PLCH2: variants seen among roughly 807,000 people sequenced by gnomAD.
The protein encoded by PLCH2 is 1-phosphatidylinositol 4,5-bisphosphate phosphodiesterase eta-2.
Under a neutral mutation model 134.7 loss-of-function variants are expected in PLCH2, and 98 were observed. The observed-to-expected ratio is 0.73, with a 90% CI of 0.62 to 0.86. The LOEUF (loss-of-function observed/expected upper bound fraction) is 0.86. PLCH2 is among the 40% of genes least tolerant of loss of function. The pLI is 0.00. For synonymous variants in PLCH2, 974 were observed against 827.5 expected (o/e 1.18, Z -3.04); for missense variants, 1,994 against 1,986.6 (o/e 1.00, Z -0.07).
intron 4 of PLCH2, among the ~76,000 whole-genome samples, chr1:2,483,175 C>T (rs868593846): frequency 1.8e-4 from 28 of 152,294 alleles, no homozygotes; most frequent in Admixed American, 5.9e-4. Context: ...CTGGGGCTTC[C>T]GTGGAGGCCT....
chr1:2,436,709 A>G (rs1235723035), intron 2 of PLCH2, among the ~76,000 whole-genome samples: 1 of 152,188 alleles, frequency 6.6e-6, no homozygotes, highest in Non-Finnish European at 1.5e-5. Context: ...GCTGGCAGGC[A>G]TGGCCTGAGG....
rs1642358803 is a variant in PLCH2 at position 2,487,663 on chromosome 1, A to T, written c.1180A>T (p.Ile394Phe). The change falls in exon 8 of 22, where the codon ATC becomes TTC. Residue 394 changes from isoleucine to phenylalanine, a missense_variant. Ile to Phe is a conservative substitution (Grantham distance 21). Transcript: ENST00000378486. Reference protein sequence around the residue: ...VHHGYTLTSKILFKDVIETIN... With the variant: ...VHHGYTLTSKFLFKDVIETIN... ...CCATGGCTACACTCTGACTTCCAAG[A>T]TCCTCTTCAAAGACGTCATTGAAAC... 1 of 1,613,456 alleles carries T rather than the reference A, an allele frequency of 6.2e-7. No homozygotes were observed. The highest frequency in any genetic ancestry group is 8.5e-7 in the Non-Finnish European group (1 of 1,179,784).
chr1:2,491,482 ACCT>A (rs1642579487), intron 11 of PLCH2, 147 bp downstream of exon 11: 1 of 804,770 alleles, frequency 1.2e-6, no homozygotes, highest in South Asian at 1.7e-5. Context: ...CTCTGTACAC[ACCT>A]CCGCACACAC....
chr1:2,485,766 A>C (rs764301322), intron 5 of PLCH2, among the ~76,000 whole-genome samples: 13 of 151,930 alleles, frequency 8.6e-5, no homozygotes, highest in Non-Finnish European at 1.8e-4. Context: ...CGAGGATGGG[A>C]GTGGCAGGAG....
At chr1:2,433,176 C>T (rs937458663) in intron 2 of PLCH2, among the ~76,000 whole-genome samples, 49 of 152,384 alleles carry the variant, frequency 3.2e-4, no homozygotes, top group African/African-American at 1.2e-3. Context: ...CACTCTTCCC[C>T]TTCCAGATTG....
chr1:2,417,947 C>T, the PLCH2 span, among the ~76,000 whole-genome samples: 23 of 152,332 alleles, frequency 1.5e-4, no homozygotes, highest in Admixed American at 9.8e-4. Context: ...TGTGGGGTGC[C>T]CTCCGGGGCC....
chr1:2,464,998 G>A (rs946278276), upstream of PLCH2, among the ~76,000 whole-genome samples: 5 of 152,200 alleles, frequency 3.3e-5, no homozygotes, highest in Non-Finnish European at 2.9e-5. Flanking sequence ...AAGAGGGCAG[G>A]GGAAGTGGCT....
chr1:2,467,613 G>A (rs1050681964), exon 1 of PLCH2: 7 of 411,470 alleles, frequency 1.7e-5, no homozygotes, highest in Admixed American at 1.3e-4. Flanking sequence ...ATTGGCACCC[G>A]CCGGCCATGG....
At chr1:2,451,025 A>AGCCCTG (rs1159358277) in intron 2 of PLCH2, among the ~76,000 whole-genome samples, 2 of 151,982 alleles carry the variant, frequency 1.3e-5, no homozygotes, top group Non-Finnish European at 2.9e-5. Context: ...CCCAGGACAC[A>AGCCCTG]GCCCTGGCCC....
At chr1:2,499,804 G>A (rs1643117006) in intron 20 of PLCH2, 84 bp downstream of exon 20, 1 of 1,099,248 alleles carries the variant, frequency 9.1e-7, no homozygotes, top group Non-Finnish European at 1.4e-6. Context: ...TGTCCCCAGT[G>A]CTGGGTCCTG....
upstream of PLCH2, among the ~76,000 whole-genome samples, chr1:2,466,222 C>T (rs1374443301): frequency 6.6e-6 from 1 of 152,164 alleles, no homozygotes; most frequent in Admixed American, 6.5e-5. Context: ...GCCGCCCCTC[C>T]CTTCTCGCAG....
chr1:2,484,625 T>C lies in PLCH2; in HGVS notation c.816+7T>C. ...CCTGCAGGTGGAGCAGAAGGTGTGC[T>C]GCCCGGGGCAGGTGTTGGGGGGCCA... On this transcript the variant is annotated splice_region_variant and intron_variant, in intron 5 of 21. Coordinates refer to ENST00000378486, the MANE Select transcript of PLCH2 (RefSeq NM_014638.4). The C allele has an allele frequency of 6.2e-7, 1 of 1,609,748 alleles. No individual in the cohort carries two copies. The highest frequency in any genetic ancestry group is 1.3e-5 in the African/African-American group (1 of 75,048).
chr1:2,459,283 G>A (rs569694800), intron 2 of PLCH2, among the ~76,000 whole-genome samples: 28 of 152,266 alleles, frequency 1.8e-4, no homozygotes, highest in Admixed American at 1.6e-3. Context: ...CAGCCTTGCC[G>A]GTGGTCTTCC....
At chr1:2,470,253 G>T (rs184393092) in intron 1 of PLCH2, among the ~76,000 whole-genome samples, 1 of 152,198 alleles carries the variant, frequency 6.6e-6, no homozygotes, top group Non-Finnish European at 1.5e-5. Flanking sequence ...CTCAGGGGCA[G>T]CCCTGTGCCC....
chr1:2,502,342 G>T lies in PLCH2; in HGVS notation c.2892G>T (p.Val964=). ...CCAAGGGGGTGGCAGACGATGTGGTGCCCCCCGGGCCCGGACCTGCTCCGG... is the reference window on the plus strand; with the variant it reads ...CCAAGGGGGTGGCAGACGATGTGGTTCCCCCCGGGCCCGGACCTGCTCCGG... ...TGSKGVADDV[V]PPGPGPAPEA... The change falls in exon 21 of 22, where the codon GTG becomes GTT. Residue 964 remains valine (V), a synonymous_variant. Transcript: ENST00000378486. 1 of 1,535,150 alleles carries T rather than the reference G, an allele frequency of 6.5e-7. No homozygotes were observed. The highest frequency in any genetic ancestry group is 8.8e-7 in the Non-Finnish European group (1 of 1,141,910).
At chr1:2,451,366 G>A (rs1640216089) in intron 2 of PLCH2, among the ~76,000 whole-genome samples, 1 of 152,230 alleles carries the variant, frequency 6.6e-6, no homozygotes, top group African/African-American at 2.4e-5. Flanking sequence ...GCAGTGACAG[G>A]CAGAGATTGT....
intron 1 of PLCH2, among the ~76,000 whole-genome samples, chr1:2,470,815 G>C (rs1641289065): frequency 6.6e-6 from 1 of 152,194 alleles, no homozygotes. Flanking sequence ...TTTCAGGAAA[G>C]GCTCCCCCAC....
intron 21 of PLCH2, chr1:2,503,038 G>A (rs1331362660): frequency 5.6e-6 from 4 of 712,294 alleles, no homozygotes; most frequent in Non-Finnish European, 7.8e-6. Flanking sequence ...TGTATCCGTG[G>A]CACTGTCTCC....
intron 4 of PLCH2, among the ~76,000 whole-genome samples, chr1:2,483,731 C>A (rs1334296418): frequency 7.2e-6 from 1 of 139,830 alleles, no homozygotes; most frequent in Non-Finnish European, 1.6e-5. Flanking sequence ...GGATGCCCAG[C>A]CTCCAGCCCA....
Sources: gnomAD v4.1 joint callset for allele counts (sites outside exome capture counted in the v4.1 genomes callset) on GRCh38, gnomAD v4.1.1 for gene constraint, MANE v1.5 for transcripts, NCBI Gene and HGNC (gene_info 2026-07-23, HGNC 2026-07-21) for gene names.